Variants in RAI14 observed in about 807,000 individuals in gnomAD.
RAI14 encodes ankycorbin.
In RAI14, 45 loss-of-function variants were observed where a neutral mutation model predicts 115.4. The ratio of observed to expected loss-of-function variants is 0.39; its 90% CI spans 0.31 to 0.50. RAI14 has a LOEUF of 0.50. Ranked by LOEUF, RAI14 falls within the 20% of genes least tolerant of loss-of-function variation. The pLI is 0.85. For synonymous variants in RAI14, 371 were observed against 415.4 expected (o/e 0.89, Z 1.30); for missense variants, 939 against 1,131.2 (o/e 0.83, Z 2.44).
chr5:34,690,708 T>C (rs183345160), intron 2 of RAI14, among the ~76,000 whole-genome samples: 15 of 152,328 alleles, frequency 9.8e-5, no homozygotes, highest in Admixed American at 9.1e-4. Context: ...GTGGTTTTGA[T>C]TCTTAAATCT....
At chr5:34,725,001 A>G (rs1042929713) in intron 2 of RAI14, among the ~76,000 whole-genome samples, 5 of 152,096 alleles carry the variant, frequency 3.3e-5, no homozygotes, top group African/African-American at 9.7e-5. Flanking sequence ...GTCTCTGTAA[A>G]ATATGTTGGT....
intron 4 of RAI14, 64 bp from the exon 5 acceptor site, chr5:34,803,644 TAAGA>T (rs2150234071): frequency 7.6e-7 from 1 of 1,315,504 alleles, no homozygotes; most frequent in Non-Finnish European, 1.1e-6. Context: ...TTCTCATATA[TAAGA>T]AAGAGATTTT....
chr5:34,829,845 C>A (rs1259510584), intron 17 of RAI14, 48 bp downstream of exon 17: 1 of 1,438,006 alleles, frequency 7.0e-7, no homozygotes, highest in South Asian at 1.3e-5. Flanking sequence ...AGAAATACGG[C>A]AGCAGATGTT....
Position 34,830,793 on chromosome 5 carries a change from C to G in RAI14, c.*28C>G. 1 of 1,613,268 alleles carries G rather than the reference C, an allele frequency of 6.2e-7. No individual in the cohort carries two copies. The highest frequency in any genetic ancestry group is 8.5e-7 in the Non-Finnish European group (1 of 1,179,512). Reference sequence around the variant, plus strand: ...TGGATTCCTTGGCAGGACACTGCCCCTTGTCATCTGTCTTTGTGTTAGATC... The same window carrying G: ...TGGATTCCTTGGCAGGACACTGCCCGTTGTCATCTGTCTTTGTGTTAGATC... On this transcript the variant is annotated 3_prime_UTR_variant, in exon 18 of 18. Coordinates refer to ENST00000265109, the MANE Select transcript of RAI14 (RefSeq NM_015577.3).
chr5:34,687,980 T>A, intron 2 of RAI14: 1 of 1,158,872 alleles, frequency 8.6e-7, no homozygotes, highest in Non-Finnish European at 1.2e-6. Flanking sequence ...ATGAGATGCT[T>A]ATGGGATGAT....
intron 2 of RAI14, among the ~76,000 whole-genome samples, chr5:34,715,628 G>T (rs1005330639): frequency 6.6e-6 from 1 of 152,042 alleles, no homozygotes; most frequent in Non-Finnish European, 1.5e-5. Context: ...CCCACCCCTC[G>T]AGTAAAATCA....
intron 1 of RAI14, among the ~76,000 whole-genome samples, chr5:34,658,553 G>A (rs1183771843): frequency 6.6e-6 from 1 of 152,048 alleles, no homozygotes; most frequent in Non-Finnish European, 1.5e-5. Flanking sequence ...AGCACTTTGG[G>A]AGGCCGAGGC....
chr5:34,667,761 C>T (rs953957152), intron 1 of RAI14, among the ~76,000 whole-genome samples: 4 of 152,012 alleles, frequency 2.6e-5, no homozygotes, highest in Non-Finnish European at 5.9e-5. Flanking sequence ...CAGGGGAGGC[C>T]AATGGCATTG....
At chr5:34,716,018 CA>C (rs773979494) in intron 2 of RAI14, 17 of 434,186 alleles carry the variant, frequency 3.9e-5, no homozygotes, top group South Asian at 2.9e-4. Flanking sequence ...AGTTACAGTA[CA>C]GTGCAAGAAA....
intron 1 of RAI14, among the ~76,000 whole-genome samples, chr5:34,683,974 G>T (rs534884843): frequency 5.5e-4 from 83 of 152,252 alleles, no homozygotes; most frequent in African/African-American, 1.9e-3. Context: ...TGTTCCGCCG[G>T]CCTCGGCCTC....
At chr5:34,688,217 A>G (rs1243721391) in intron 2 of RAI14, 11 of 1,551,442 alleles carry the variant, frequency 7.1e-6, no homozygotes. Context: ...CAGCCTACAT[A>G]TCTCCCGTGG....
At chr5:34,721,314 T>TAG (rs1190669079) in intron 2 of RAI14, among the ~76,000 whole-genome samples, 4 of 127,490 alleles carry the variant, frequency 3.1e-5, no homozygotes, top group African/African-American at 7.9e-5. Flanking sequence ...TATATATATA[T>TAG]ATATATATAT....
intron 2 of RAI14, among the ~76,000 whole-genome samples, chr5:34,705,527 A>C (rs1218317340): frequency 6.6e-6 from 1 of 152,154 alleles, no homozygotes; most frequent in Non-Finnish European, 1.5e-5. Context: ...ACTGAAGTGG[A>C]ATGATACTGG....
At chr5:34,811,721 T>C in intron 8 of RAI14, 46 bp from the exon 9 acceptor site, 1 of 1,509,896 alleles carries the variant, frequency 6.6e-7, no homozygotes, top group South Asian at 1.2e-5. Context: ...AAGAAAGACT[T>C]TTTACATTCT....
chr5:34,815,807 A>G (rs971763160), intron 12 of RAI14, among the ~76,000 whole-genome samples: 2 of 152,332 alleles, frequency 1.3e-5, no homozygotes, highest in African/African-American at 2.4e-5. Flanking sequence ...AAGTGTTTTC[A>G]TCACAAAAAA....
At chr5:34,828,464 C>G (rs62355744) in intron 16 of RAI14, among the ~76,000 whole-genome samples, 88,841 of 151,586 alleles carry the variant, frequency 0.59, 26,356 homozygotes, top group Admixed American at 0.66. Context: ...GTAGAGGTTG[C>G]TGAAAGGTGG....
intron 2 of RAI14, 43 bp from the exon 3 acceptor site, chr5:34,757,425 G>A (rs766868449): frequency 6.2e-7 from 1 of 1,608,180 alleles, no homozygotes; most frequent in Non-Finnish European, 8.5e-7. Context: ...TGCGGCTGTG[G>A]CCAGTGTTGT....
chr5:34,695,701 T>G (rs946445056), intron 2 of RAI14, among the ~76,000 whole-genome samples: 1 of 152,244 alleles, frequency 6.6e-6, no homozygotes, highest in African/African-American at 2.4e-5. Context: ...TATTTACTTT[T>G]TTAATGTGGC....
At chr5:34,675,388 G>A (rs564969101) in intron 1 of RAI14, among the ~76,000 whole-genome samples, 14 of 152,228 alleles carry the variant, frequency 9.2e-5, no homozygotes, top group African/African-American at 1.9e-4. Context: ...TCCTGTTAGC[G>A]TTCCCAGCCC....
Sources: gnomAD v4.1 joint callset for allele counts (sites outside exome capture counted in the v4.1 genomes callset) on GRCh38, gnomAD v4.1.1 for gene constraint, MANE v1.5 for transcripts, NCBI Gene and HGNC (gene_info 2026-07-23, HGNC 2026-07-21) for gene names.